Variants in FARS2 observed in about 807,000 individuals in gnomAD.
FARS2 encodes the protein phenylalanyl-tRNA synthetase 2, mitochondrial, also known as phenylalanine--tRNA ligase, mitochondrial.
FARS2 carries 40 observed loss-of-function variants against 46.4 expected under a neutral mutation model. The ratio of observed to expected loss-of-function variants is 0.86; its 90% CI spans 0.67 to 1.12. The LOEUF (loss-of-function observed/expected upper bound fraction) is 1.12. Ranked by LOEUF, FARS2 falls within the 50% of genes most tolerant of loss-of-function variation. The pLI, the probability that FARS2 is intolerant of heterozygous loss-of-function variation, is 0.00. For missense variants in FARS2, 513 were observed against 567.9 expected (o/e 0.90, Z 0.98); for synonymous variants, 234 against 214.9 (o/e 1.09, Z -0.78).
chr6:5,609,981 A>G (rs570240216), intron 5 of FARS2: 49 of 1,230,644 alleles, frequency 4.0e-5, no homozygotes, highest in Non-Finnish European at 5.4e-5. Flanking sequence ...GTGGCCTTGC[A>G]TTCGTGGCTG....
intron 6 of FARS2, among the ~76,000 whole-genome samples, chr6:5,740,196 G>C (rs547327685): frequency 9.2e-5 from 14 of 152,260 alleles, no homozygotes; most frequent in African/African-American, 3.4e-4. Context: ...TCTCCTCCAG[G>C]CTTATCATGG....
At chr6:5,731,633 A>G (rs559950027) in intron 6 of FARS2, among the ~76,000 whole-genome samples, 23 of 152,322 alleles carry the variant, frequency 1.5e-4, no homozygotes, top group Admixed American at 1.0e-3. Flanking sequence ...ATAGCAGGGC[A>G]GAAGCCAGGG....
intron 4 of FARS2, among the ~76,000 whole-genome samples, chr6:5,481,151 G>A (rs546618769): frequency 2.0e-5 from 3 of 152,268 alleles, no homozygotes; most frequent in South Asian, 4.1e-4. Context: ...AAATATTCTG[G>A]CACAAGCATC....
chr6:5,762,707 G>T (rs967324436), intron 6 of FARS2, among the ~76,000 whole-genome samples: 1 of 152,230 alleles, frequency 6.6e-6, no homozygotes, highest in Non-Finnish European at 1.5e-5. Context: ...CTCTCTCTCT[G>T]CCTCTGGCCC....
chr6:5,490,784 A>G (rs1582255714), intron 4 of FARS2, among the ~76,000 whole-genome samples: 1 of 152,198 alleles, frequency 6.6e-6, no homozygotes, highest in Non-Finnish European at 1.5e-5. Flanking sequence ...AGGAACTGAG[A>G]CCTCTGGCCA....
intron 5 of FARS2, chr6:5,609,313 C>T (rs1376514361): frequency 3.6e-6 from 4 of 1,111,892 alleles, no homozygotes; most frequent in Non-Finnish European, 5.4e-6. Flanking sequence ...AAGTATTGGC[C>T]TCTACCACCA....
At chr6:5,571,043 G>A (rs1772613586) in intron 5 of FARS2, among the ~76,000 whole-genome samples, 1 of 152,128 alleles carries the variant, frequency 6.6e-6, no homozygotes, top group Non-Finnish European at 1.5e-5. Flanking sequence ...GTGAAGACTT[G>A]GTAACTTTTC....
At chr6:5,452,515 C>T (rs1764557222) in intron 4 of FARS2, 1 of 152,274 alleles carries the variant, frequency 6.6e-6, no homozygotes, top group Non-Finnish European at 1.5e-5. Flanking sequence ...TCCTCATGCT[C>T]ATTTTTCAAA....
In FARS2 at chr6:5,686,462, T is replaced by C. The variant is rs552679133; in HGVS notation, c.1217+73142T>C. On this transcript the variant is annotated intron_variant, in intron 6 of 6. Transcript: ENST00000274680. ...GTGAGAACATGTGGTGTTCGGTTTT[T>C]TGTCCTTGCTATAGTTTGCTAAGAA... 2.6e-5 allele frequency among the ~76,000 whole-genome samples: 4 copies of C among 152,304 alleles called. No homozygotes were observed. In the East Asian group the frequency reaches 7.7e-4, roughly 29 times the overall value.
chr6:5,671,372 G>A (rs920703717), intron 6 of FARS2, among the ~76,000 whole-genome samples: 5 of 152,194 alleles, frequency 3.3e-5, no homozygotes, highest in Non-Finnish European at 5.9e-5. Context: ...TGGCTAATGA[G>A]CTCTTCAGGC....
intron 2 of FARS2, among the ~76,000 whole-genome samples, chr6:5,395,110 G>A (rs1233212369): frequency 6.6e-6 from 1 of 152,136 alleles, no homozygotes; most frequent in African/African-American, 2.4e-5. Context: ...GAGTGCAATG[G>A]TGTGATCTTG....
At chr6:5,719,260 A>G (rs903586931) in intron 6 of FARS2, among the ~76,000 whole-genome samples, 13 of 151,974 alleles carry the variant, frequency 8.6e-5, no homozygotes, top group Admixed American at 4.6e-4. Context: ...GCACACACCT[A>G]TGGTCCCAGC....
chr6:5,534,662 TGACA>T (rs1458566438), intron 4 of FARS2, among the ~76,000 whole-genome samples: 1 of 152,194 alleles, frequency 6.6e-6, no homozygotes, highest in Non-Finnish European at 1.5e-5. Flanking sequence ...ATTCATCTGT[TGACA>T]GACACTTGAG....
chr6:5,667,414 A>G (rs535818997), intron 6 of FARS2, among the ~76,000 whole-genome samples: 1 of 152,026 alleles, frequency 6.6e-6, no homozygotes, highest in African/African-American at 2.4e-5. Context: ...GCTGCTCAGG[A>G]GGCTGAGGCA....
intron 4 of FARS2, among the ~76,000 whole-genome samples, chr6:5,485,619 G>A (rs1410854579): frequency 6.6e-6 from 1 of 152,154 alleles, no homozygotes; most frequent in Non-Finnish European, 1.5e-5. Flanking sequence ...AGGCTTCGTA[G>A]GCTTTATACT....
intron 6 of FARS2, among the ~76,000 whole-genome samples, chr6:5,627,956 AAATTGATGATTT>A (rs763224287): frequency 1.6e-4 from 24 of 152,364 alleles, no homozygotes; most frequent in Non-Finnish European, 2.5e-4. Context: ...GGTCCTAAGT[AAATTGATGATTT>A]AAAAATTATT....
chr6:5,688,640 A>G (rs1340422485), intron 6 of FARS2, among the ~76,000 whole-genome samples: 1 of 152,120 alleles, frequency 6.6e-6, no homozygotes, highest in South Asian at 2.1e-4. Context: ...GATGTTCATG[A>G]GGGATATTGG....
chr6:5,541,450 G>A (rs973668739), intron 4 of FARS2, among the ~76,000 whole-genome samples: 5 of 152,150 alleles, frequency 3.3e-5, no homozygotes, highest in African/African-American at 1.2e-4. Flanking sequence ...CCATCTCCTG[G>A]AAAAGTTCTC....
intron 5 of FARS2, among the ~76,000 whole-genome samples, chr6:5,575,488 A>G (rs1219537008): frequency 6.6e-6 from 1 of 152,204 alleles, no homozygotes; most frequent in East Asian, 1.9e-4. Context: ...TAAATGCATC[A>G]TGTGTTTTCT....
Sources: allele counts gnomAD v4.1 joint callset (sites outside exome capture counted in the v4.1 genomes callset), GRCh38; gene constraint gnomAD v4.1.1; transcripts MANE v1.5; gene names NCBI Gene and HGNC (gene_info 2026-07-23, HGNC 2026-07-21).